Variants in KMT2A observed in about 807,000 individuals in gnomAD.
The protein encoded by KMT2A is lysine methyltransferase 2A.
Under a neutral mutation model 345.3 loss-of-function variants are expected in KMT2A, and 16 were observed. That is an observed-to-expected ratio of 0.05 (90% CI 0.03 to 0.07). The LOEUF is 0.07. Ranked by LOEUF, KMT2A falls within the 10% of genes least tolerant of loss-of-function variation. The pLI is 1.00. For synonymous variants in KMT2A, 1,599 were observed against 1,778.6 expected, an observed-to-expected ratio of 0.90 and a Z score of 2.54; for missense variants, 3,272 against 4,841.6, an observed-to-expected ratio of 0.68 and a Z score of 9.62.
At chr11:118,517,843 A>G (rs1950856618) in intron 31 of KMT2A, among the ~76,000 whole-genome samples, 1 of 152,204 alleles carries the variant, frequency 6.6e-6, no homozygotes, top group Non-Finnish European at 1.5e-5. Context: ...TGTCTCTTAG[A>G]AAAAGAATAT....
In KMT2A at chr11:118,495,839, C is replaced by T. The variant is rs1950400240; in HGVS notation, c.5503C>T (p.Pro1835Ser). The T allele has an allele frequency of 6.2e-7, 1 of 1,614,052 alleles. No individual in the cohort carries two copies. Among genetic ancestry groups the T allele is most frequent in the South Asian group, 1.1e-5 (1 of 91,094 alleles). Residue 1835 changes from proline to serine, a missense_variant, in exon 19 of 36, where the codon CCT (proline) becomes TCT (serine). Pro to Ser is a moderately conservative substitution (Grantham distance 74). This residue lies in a region of KMT2A where 235 missense variants were observed against 503.4 expected (regional missense o/e 0.47). Transcript: ENST00000534358. The surrounding 1 kb of genome is among the most constrained non-coding windows in gnomAD (Gnocchi z 4.1). ...CATTCCAGCTCCCAAACCCAAAGGT[C>T]CTGGAGAACCAGACTCACCAACTCC... ...KIIPAPKPKG[P>S]GEPDSPTPLH...
At chr11:118,515,876 C>T (rs1419241300) in intron 31 of KMT2A, among the ~76,000 whole-genome samples, 13 of 152,002 alleles carry the variant, frequency 8.6e-5, no homozygotes, top group African/African-American at 3.1e-4. Flanking sequence ...TTAGTAGAGA[C>T]GGGATTTCAC....
At chr11:118,506,719 T>C (rs1316066522) in intron 27 of KMT2A, 73 bp downstream of exon 27, 10 of 1,436,034 alleles carry the variant, frequency 7.0e-6, no homozygotes, top group African/African-American at 1.4e-5. Context: ...GTTGATGTGG[T>C]AGTCCGGGAG....
chr11:118,477,572 A>C (rs1950062257), intron 4 of KMT2A, among the ~76,000 whole-genome samples: 1 of 117,726 alleles, frequency 8.5e-6, no homozygotes, highest in East Asian at 2.8e-4. Context: ...CAGTGGTGCG[A>C]TCTCGGCTCA....
rs1555138799 is a variant in KMT2A at position 118,436,894 on chromosome 11, C to T, written c.382C>T (p.Arg128Trp). 6.3e-7 allele frequency: 1 copy of T among 1,583,872 alleles called. No homozygotes were observed. The highest frequency in any genetic ancestry group is 8.6e-7 in the Non-Finnish European group (1 of 1,164,862). Residue 128 changes from arginine (R) to tryptophan (W), a missense_variant, in exon 1 of 36, where the codon CGG (arginine) becomes TGG (tryptophan). Physicochemically the swap from Arg to Trp is moderately radical, Grantham distance 101. Coordinates refer to ENST00000534358, the MANE Select transcript of KMT2A (RefSeq NM_001197104.2). This position sits in a 1 kb window ranked among gnomAD's most constrained non-coding sequence, Gnocchi z 6.9. The stretch of plus-strand genomic sequence containing the variant: ...GGCCGCCATCGGCACCAACCTGCGC[C>T]GGTTCCGGGCCGTGTTTGGGGAGAG... Reference protein sequence around the residue: ...VSAAIGTNLRRFRAVFGESGG... With the variant: ...VSAAIGTNLRWFRAVFGESGG...
chr11:118,505,799 C>A lies in KMT2A; in HGVS notation c.9907C>A (p.Pro3303Thr), dbSNP rs782600535. The A allele has an allele frequency of 1.3e-5, 21 of 1,614,022 alleles. No individual in the cohort carries two copies. The African/African-American group carries it at 2.5e-4, about 19-fold the overall frequency. Residue 3303 changes from proline to threonine, a missense_variant, in exon 27 of 36, where the codon CCC (proline) becomes ACC (threonine). Pro to Thr is a conservative substitution (Grantham distance 38). This residue lies in a region of KMT2A where 748 missense variants were observed against 922.2 expected (regional missense o/e 0.81). Coordinates refer to ENST00000534358, the MANE Select transcript of KMT2A (RefSeq NM_001197104.2). The surrounding 1 kb of genome is among the most constrained non-coding windows in gnomAD (Gnocchi z 4.6). ...TAGCATCATGTATTTTGAACCGGCA[C>A]CCCTGTTACCACAGAGTGTGGGAGG... ...KSSIMYFEPA[P>T]LLPQSVGGTA...
chr11:118,502,577 T>A lies in KMT2A; in HGVS notation c.6685T>A (p.Ser2229Thr), dbSNP rs367939528. ...TACTTACTCTAGGAATAATGTTTCC[T>A]CAGTCTCCACCACCGGGACCGCTAC... ...GNTYSRNNVS[S>T]VSTTGTATDL... Residue 2229 changes from serine (S) to threonine (T), a missense_variant, in exon 27 of 36, where the codon TCA becomes ACA. Around this residue, in one of 27 missense-constraint regions of KMT2A, gnomAD observed 445 missense variants for 500.9 expected, o/e 0.89. Coordinates refer to ENST00000534358, the MANE Select transcript of KMT2A (RefSeq NM_001197104.2). This position sits in a 1 kb window ranked among gnomAD's most constrained non-coding sequence, Gnocchi z 4.9. 1.3e-4 allele frequency: 210 copies of A among 1,614,056 alleles called. No individual in the cohort carries two copies. The highest frequency in any genetic ancestry group is 1.7e-4 in the Non-Finnish European group (201 of 1,180,032).
chr11:118,446,353 GAAAGAAAAGA>G (rs553717686), intron 1 of KMT2A, among the ~76,000 whole-genome samples: 18 of 152,020 alleles, frequency 1.2e-4, no homozygotes, highest in Non-Finnish European at 1.9e-4. Flanking sequence ...TGTCTCAAAA[GAAAGAAAAGA>G]AAAGAAAAGA....
At chr11:118,515,594 A>G (rs1950794394) in intron 31 of KMT2A, among the ~76,000 whole-genome samples, 1 of 152,028 alleles carries the variant, frequency 6.6e-6, no homozygotes, top group South Asian at 2.1e-4. Flanking sequence ...TTCAGTCATC[A>G]CAGTGTTCAG....
In KMT2A at chr11:118,488,652, G is replaced by A; in HGVS notation, c.4371G>A (p.Lys1457=). The change falls in exon 11 of 36, where the codon AAG becomes AAA. Residue 1457 remains lysine (K), a synonymous_variant. Coordinates refer to ENST00000534358, the MANE Select transcript of KMT2A (RefSeq NM_001197104.2). ...AAGTCTGTTGTGAGCCCTTCCACAA[G>A]TTTTGTTTAGAGGAGAACGAGCGCC... The part of the protein sequence containing the change: ...YCQVCCEPFH[K]FCLEENERPL... 6.2e-7 allele frequency: 1 copy of A among 1,614,136 alleles called. No homozygotes were observed. The highest frequency in any genetic ancestry group is 8.5e-7 in the Non-Finnish European group (1 of 1,180,008).
At chr11:118,464,102 G>A (rs1565273189) in intron 1 of KMT2A, among the ~76,000 whole-genome samples, 1 of 152,216 alleles carries the variant, frequency 6.6e-6, no homozygotes, top group South Asian at 2.1e-4. Flanking sequence ...GATGAAGCCT[G>A]TAGTAGCAGA....
chr11:118,475,368 T>C (rs1440647637), intron 3 of KMT2A, among the ~76,000 whole-genome samples: 7 of 152,156 alleles, frequency 4.6e-5, no homozygotes, highest in African/African-American at 1.7e-4. Context: ...CGTCATGTAG[T>C]AGATGCCTAT....
Position 118,494,470 on chromosome 11 carries a change from G to A in KMT2A, c.5289+72G>A. ...ATTACCCTGTGAATACAATGAACTT[G>A]TTCTCTTCTACTTTTTGCTTTGTGG... On this transcript the variant is annotated intron_variant, in intron 17 of 35. Coordinates refer to ENST00000534358, the MANE Select transcript of KMT2A (RefSeq NM_001197104.2). The surrounding 1 kb of genome is among the most constrained non-coding windows in gnomAD (Gnocchi z 5.8). 1 of 921,452 alleles carries A rather than the reference G, an allele frequency of 1.1e-6. No homozygotes were observed. The allele number at this position is 921,452 out of a possible 1,614,324, so 57.1% of individuals were successfully genotyped here.
At chr11:118,518,781 C>CAAAA (rs372770910) in intron 31 of KMT2A, among the ~76,000 whole-genome samples, 3 of 112,150 alleles carry the variant, frequency 2.7e-5, no homozygotes, top group African/African-American at 3.6e-5. Flanking sequence ...GAGTCTGTCT[C>CAAAA]AAAAAAAAAA....
intron 2 of KMT2A, among the ~76,000 whole-genome samples, chr11:118,471,083 G>A (rs1195148409): frequency 5.9e-5 from 9 of 152,198 alleles, no homozygotes; most frequent in Non-Finnish European, 1.3e-4. Flanking sequence ...TTATTCTGAT[G>A]TGTCATAAAT....
Position 118,504,363 on chromosome 11 carries a change from T to C in KMT2A, c.8471T>C (p.Leu2824Pro), listed in dbSNP as rs1555047222. The C allele has an allele frequency of 3.1e-6, 5 of 1,614,200 alleles. No individual in the cohort carries two copies. The South Asian group carries it at 5.5e-5, about 18-fold the overall frequency. Reference protein sequence around the residue: ...HTSTPSDKNLLDTYNTELLKS... With the variant: ...HTSTPSDKNLPDTYNTELLKS... ...AGTACCCCCTCCGACAAAAATTTAC[T>C]GGACACCTATAATACTGAGCTCCTG... Residue 2824 changes from leucine (L) to proline (P), a missense_variant, in exon 27 of 36, where the codon CTG (leucine) becomes CCG (proline). Leu to Pro is a moderately conservative substitution (Grantham distance 98). This residue lies in a region of KMT2A where 100 missense variants were observed against 101.3 expected (regional missense o/e 0.99). Transcript: ENST00000534358. This position sits in a 1 kb window ranked among gnomAD's most constrained non-coding sequence, Gnocchi z 6.4.
intron 1 of KMT2A, among the ~76,000 whole-genome samples, chr11:118,456,395 A>G (rs1434015728): frequency 2.0e-5 from 3 of 151,728 alleles, no homozygotes; most frequent in Non-Finnish European, 4.4e-5. Flanking sequence ...CTGGAGTGCA[A>G]TGGCGTGACC....
chr11:118,500,851 T>A (rs1555045392), intron 24 of KMT2A, 136 bp from the exon 25 acceptor site: 2 of 569,892 alleles, frequency 3.5e-6, no homozygotes, highest in Non-Finnish European at 5.9e-6. Context: ...GAATCTATAC[T>A]AAGAACCCAT....
chr11:118,441,534 A>G (rs995934298), intron 1 of KMT2A, among the ~76,000 whole-genome samples: 2 of 152,128 alleles, frequency 1.3e-5, no homozygotes, highest in African/African-American at 4.8e-5. Flanking sequence ...ATTCCAGACT[A>G]TCCAAAAGAG....
Sources: allele counts gnomAD v4.1 joint callset (sites outside exome capture counted in the v4.1 genomes callset), GRCh38; gene constraint gnomAD v4.1.1; regional missense constraint gnomAD v4.1.1; non-coding constraint Gnocchi (gnomAD v3.1); transcripts MANE v1.5; gene names NCBI Gene and HGNC (gene_info 2026-07-23, HGNC 2026-07-21).